Variants in LRMDA observed in about 807,000 individuals in gnomAD.
The protein encoded by LRMDA is leucine-rich melanocyte differentiation-associated protein.
In LRMDA, 18 loss-of-function variants were observed where a neutral mutation model predicts 29.8. That is an observed-to-expected ratio of 0.60 (90% CI 0.42 to 0.90). The LOEUF (loss-of-function observed/expected upper bound fraction) is 0.90, where lower values mean the gene tolerates loss of function less well. LRMDA is among the 40% of genes least tolerant of loss of function. LRMDA has a pLI of 0.00. For synonymous variants in LRMDA, 125 were observed against 109.4 expected (o/e 1.14, Z -0.89); for missense variants, 273 against 273.9 (o/e 1.00, Z 0.02).
chr10:75,739,347 C>T lies in LRMDA; in HGVS notation c.132-296661C>T, dbSNP rs1244617701. On this transcript the variant is annotated intron_variant, in intron 2 of 6. Transcript: ENST00000611255. ...GCTTACTTTATCATGTTTCTCCTCA[C>T]CCCCTCCTCGCTCATGAATAATTAA... Among the ~76,000 whole-genome samples, 5 of 152,348 alleles carry T rather than the reference C, an allele frequency of 3.3e-5. No individual in the cohort carries two copies. The East Asian group carries it at 7.7e-4, about 23-fold the overall frequency.
chr10:75,781,207 C>A (rs542635503), intron 2 of LRMDA, among the ~76,000 whole-genome samples: 2 of 152,284 alleles, frequency 1.3e-5, no homozygotes, highest in East Asian at 3.9e-4. Context: ...GAAATCATTT[C>A]TTTATTTTTC....
intron 5 of LRMDA, among the ~76,000 whole-genome samples, chr10:76,209,421 T>C (rs961832584): frequency 3.3e-5 from 5 of 152,150 alleles, no homozygotes; most frequent in African/African-American, 1.2e-4. Context: ...TGTTTCCCTC[T>C]GGGCCTTCGT....
intron 2 of LRMDA, among the ~76,000 whole-genome samples, chr10:75,765,612 T>A (rs560027067): frequency 1.3e-5 from 2 of 152,206 alleles, no homozygotes; most frequent in African/African-American, 4.8e-5. Flanking sequence ...GGCACACAAT[T>A]AGCATTCTGT....
intron 6 of LRMDA, among the ~76,000 whole-genome samples, chr10:76,332,146 A>G (rs1283555621): frequency 2.6e-5 from 4 of 152,174 alleles, no homozygotes; most frequent in Non-Finnish European, 5.9e-5. Flanking sequence ...AGGGTAGTGT[A>G]GATTAAAACT....
chr10:75,544,402 T>A (rs1840053273), intron 2 of LRMDA, among the ~76,000 whole-genome samples: 1 of 152,192 alleles, frequency 6.6e-6, no homozygotes, highest in Non-Finnish European at 1.5e-5. Flanking sequence ...TTATTTTGGG[T>A]AAGTGGAATT....
chr10:75,914,988 C>A (rs1320122816), intron 2 of LRMDA, among the ~76,000 whole-genome samples: 1 of 152,056 alleles, frequency 6.6e-6, no homozygotes, highest in African/African-American at 2.4e-5. Context: ...ATTGAAGAAC[C>A]AGGTTGTTAT....
chr10:75,761,085 C>G (rs574280870), intron 2 of LRMDA, among the ~76,000 whole-genome samples: 14 of 152,208 alleles, frequency 9.2e-5, no homozygotes, highest in South Asian at 6.2e-4. Flanking sequence ...GAACTCACCA[C>G]AAATTCAGAA....
At chr10:76,457,100 C>T (rs1489265863) in intron 6 of LRMDA, among the ~76,000 whole-genome samples, 1 of 152,174 alleles carries the variant, frequency 6.6e-6, no homozygotes, top group Non-Finnish European at 1.5e-5. Flanking sequence ...CTTTAGCATT[C>T]CTTCAGGCTT....
intron 5 of LRMDA, among the ~76,000 whole-genome samples, chr10:76,084,220 C>T (rs550833776): frequency 7.7e-5 from 11 of 142,248 alleles, no homozygotes; most frequent in South Asian, 4.2e-4. Context: ...TTATTTGAGA[C>T]GGAGTCTTGC....
chr10:76,072,796 A>G (rs1190501807), intron 5 of LRMDA, among the ~76,000 whole-genome samples: 2 of 152,252 alleles, frequency 1.3e-5, no homozygotes, highest in Non-Finnish European at 2.9e-5. Flanking sequence ...TTCATAGTGA[A>G]GGTGACTTAT....
chr10:76,214,576 C>T (rs1851696240), intron 5 of LRMDA, among the ~76,000 whole-genome samples: 1 of 151,818 alleles, frequency 6.6e-6, no homozygotes, highest in Admixed American at 6.6e-5. Flanking sequence ...GATCTCCTGA[C>T]CTCATGATCC....
intron 5 of LRMDA, among the ~76,000 whole-genome samples, chr10:76,274,347 G>A (rs956709306): frequency 2.6e-5 from 4 of 152,128 alleles, no homozygotes; most frequent in Admixed American, 6.6e-5. Flanking sequence ...GGATCATCTG[G>A]CTATAATGGG....
intron 2 of LRMDA, among the ~76,000 whole-genome samples, chr10:75,948,725 C>T (rs558986427): frequency 1.3e-4 from 20 of 152,196 alleles, no homozygotes; most frequent in African/African-American, 3.6e-4. Flanking sequence ...TTTTCTCCCC[C>T]TTCTGAGTGA....
chr10:75,614,148 C>T (rs541082570), intron 2 of LRMDA, among the ~76,000 whole-genome samples: 4 of 152,258 alleles, frequency 2.6e-5, no homozygotes, highest in African/African-American at 9.6e-5. Context: ...CTCCCTCTCT[C>T]GTTCTTTCTC....
intron 2 of LRMDA, among the ~76,000 whole-genome samples, chr10:75,528,966 T>G (rs913156052): frequency 1.8e-4 from 27 of 152,094 alleles, no homozygotes; most frequent in African/African-American, 5.8e-4. Context: ...GGAGGCAATT[T>G]TCTTAGAAAG....
chr10:75,514,853 C>G (rs988821753), intron 2 of LRMDA, among the ~76,000 whole-genome samples: 7 of 151,844 alleles, frequency 4.6e-5, no homozygotes, highest in Non-Finnish European at 1.0e-4. Context: ...CCTGAGTGTT[C>G]CTTTATAACA....
intron 5 of LRMDA, among the ~76,000 whole-genome samples, chr10:76,158,287 G>C (rs773146048): frequency 5.0e-4 from 76 of 151,804 alleles, no homozygotes; most frequent in Non-Finnish European, 8.8e-4. Context: ...CTTCTTCCTG[G>C]TAACCTTCAT....
At chr10:75,571,402 C>A (rs1291060715) in intron 2 of LRMDA, among the ~76,000 whole-genome samples, 1 of 152,146 alleles carries the variant, frequency 6.6e-6, no homozygotes, top group Non-Finnish European at 1.5e-5. Context: ...AGTTTTCAGG[C>A]AGATGACAAA....
At chr10:75,891,461 C>G (rs963397478) in intron 2 of LRMDA, among the ~76,000 whole-genome samples, 1 of 150,712 alleles carries the variant, frequency 6.6e-6, no homozygotes, top group Non-Finnish European at 1.5e-5. Flanking sequence ...ACAGCACACA[C>G]AAAGCCTTGA....
Sources: gnomAD v4.1 joint callset for allele counts (sites outside exome capture counted in the v4.1 genomes callset) on GRCh38, gnomAD v4.1.1 for gene constraint, MANE v1.5 for transcripts, NCBI Gene and HGNC (gene_info 2026-07-23, HGNC 2026-07-21) for gene names.